Variants in ADARB2 observed in about 807,000 individuals in gnomAD.
ADARB2 encodes the protein inactive double-stranded RNA-specific editase B2.
In ADARB2, 25 loss-of-function variants were observed where a neutral mutation model predicts 62.2. The observed-to-expected ratio is 0.40, with a 90% CI of 0.29 to 0.56. The LOEUF (loss-of-function observed/expected upper bound fraction) is 0.56, where lower values mean the gene tolerates loss of function less well. Among genes scored for constraint, ADARB2 ranks in the 20% least tolerant of loss-of-function variants. The pLI is 0.43. For synonymous variants in ADARB2, 572 were observed against 500.8 expected, an observed-to-expected ratio of 1.14 and a Z score of -1.90; for missense variants, 1,071 against 1,077.4, an observed-to-expected ratio of 0.99 and a Z score of 0.08.
chr10:1,257,789 G>A (rs11250362), intron 4 of ADARB2, among the ~76,000 whole-genome samples: 3,277 of 152,308 alleles, frequency 0.022, 113 homozygotes, highest in African/African-American at 0.071. Flanking sequence ...GGTTCCTCCA[G>A]TGTTTCCGCA....
chr10:1,722,045 A>G lies in ADARB2; in HGVS notation c.100+15006T>C, dbSNP rs78376890. ...GTCCTACCTGTGAGTGTTTATGTAA[A>G]ACGACTTTATAAGTAAGATTGGGAA... On this transcript the variant is annotated intron_variant, in intron 1 of 9. Transcript: ENST00000381312. Among the ~76,000 whole-genome samples, 1,821 of 152,264 alleles carry G rather than the reference A, an allele frequency of 0.012. 93 individuals are homozygous for G. The East Asian group carries it at 0.15, about 13-fold the overall frequency.
At chr10:1,733,413 A>G (rs1205285589) in intron 1 of ADARB2, among the ~76,000 whole-genome samples, 1 of 38,894 alleles carries the variant, frequency 2.6e-5, no homozygotes, top group Non-Finnish European at 7.5e-5. Flanking sequence ...CTTCTTTTAG[A>G]AAAAAAAATA....
chr10:1,209,412 G>GCCCGTGC (rs1564221199), intron 7 of ADARB2, among the ~76,000 whole-genome samples: 6 of 40,814 alleles, frequency 1.5e-4, no homozygotes, highest in African/African-American at 3.5e-4. Context: ...ATCACCTACA[G>GCCCGTGC]CAACACCGTC....
chr10:1,363,927 A>G lies in ADARB2; in HGVS notation c.188-10T>C. ...TCCGCGCTGCTGGTACCTGGAGGGG[A>G]GAACAGACCAGTCAGGAGCCTGGGC... On this transcript the variant is annotated splice_polypyrimidine_tract_variant and intron_variant, in intron 2 of 9. Transcript: ENST00000381312. The G allele has an allele frequency of 2.1e-6, 3 of 1,449,524 alleles. No homozygotes were observed. In the South Asian group the frequency reaches 4.4e-5, roughly 21 times the overall value. The allele number at this position is 1,449,524 out of a possible 1,614,324, so 89.8% of individuals were successfully genotyped here. A position where few individuals can be genotyped will look rare whatever the true frequency, so the allele number is the denominator to read the frequency against.
chr10:1,622,218 C>A (rs1833712146), intron 1 of ADARB2, among the ~76,000 whole-genome samples: 1 of 152,124 alleles, frequency 6.6e-6, no homozygotes, highest in South Asian at 2.1e-4. Context: ...GACCTAAAGA[C>A]CCTAGCTAAA....
intron 8 of ADARB2, among the ~76,000 whole-genome samples, chr10:1,185,631 G>A (rs962176151): frequency 1.7e-4 from 26 of 152,244 alleles, no homozygotes; most frequent in African/African-American, 6.3e-4. Context: ...GGGGCCTTTT[G>A]TTCGAAAGTT....
intron 3 of ADARB2, among the ~76,000 whole-genome samples, chr10:1,277,963 CTCTCTCTT>C (rs1160305041): frequency 2.5e-5 from 2 of 79,384 alleles, no homozygotes; most frequent in Admixed American, 2.6e-4. Flanking sequence ...CCCTCTTTCT[CTCTCTCTT>C]TCTTTTTTTC....
intron 1 of ADARB2, among the ~76,000 whole-genome samples, chr10:1,650,400 A>G (rs1219065007): frequency 1.3e-5 from 2 of 152,162 alleles, no homozygotes; most frequent in Non-Finnish European, 1.5e-5. Context: ...ACCTTTGACA[A>G]GCTAAGTACT....
intron 3 of ADARB2, among the ~76,000 whole-genome samples, chr10:1,306,753 A>G (rs1831633628): frequency 6.9e-6 from 1 of 145,782 alleles, no homozygotes; most frequent in Non-Finnish European, 1.5e-5. Flanking sequence ...AATGGAACAG[A>G]ACAGAGCCGT....
At chr10:1,590,143 T>A (rs1389223662) in intron 1 of ADARB2, among the ~76,000 whole-genome samples, 1 of 152,196 alleles carries the variant, frequency 6.6e-6, no homozygotes, top group African/African-American at 2.4e-5. Flanking sequence ...GGTGCCCATG[T>A]GGTATCATCG....
intron 6 of ADARB2, among the ~76,000 whole-genome samples, chr10:1,230,170 C>T (rs1234099754): frequency 6.6e-6 from 1 of 152,154 alleles, no homozygotes; most frequent in Non-Finnish European, 1.5e-5. Context: ...GCTCTCTGCA[C>T]TCTGCGGCCT....
chr10:1,619,806 GA>G (rs899813671), intron 1 of ADARB2, among the ~76,000 whole-genome samples: 9 of 151,742 alleles, frequency 5.9e-5, no homozygotes, highest in East Asian at 5.8e-4. Context: ...TGCTAGATTA[GA>G]AAAAAAATCA....
intron 3 of ADARB2, among the ~76,000 whole-genome samples, chr10:1,297,976 C>A (rs1001725503): frequency 6.6e-6 from 1 of 152,228 alleles, no homozygotes; most frequent in Non-Finnish European, 1.5e-5. Context: ...AGAGAATAAA[C>A]TTCTGTCATT....
intron 1 of ADARB2, among the ~76,000 whole-genome samples, chr10:1,543,547 T>A (rs1832470988): frequency 6.6e-6 from 1 of 152,202 alleles, no homozygotes; most frequent in African/African-American, 2.4e-5. Flanking sequence ...ATTGCCGCAT[T>A]TATTCGGGCT....
chr10:1,673,367 TTGTAAG>T (rs1475252389), intron 1 of ADARB2, among the ~76,000 whole-genome samples: 1 of 151,286 alleles, frequency 6.6e-6, no homozygotes, highest in African/African-American at 2.4e-5. Context: ...TAGAGGCACT[TTGTAAG>T]TGGGCAACTT....
At chr10:1,283,184 T>C (rs1831384590) in intron 3 of ADARB2, among the ~76,000 whole-genome samples, 1 of 152,224 alleles carries the variant, frequency 6.6e-6, no homozygotes, top group Non-Finnish European at 1.5e-5. Flanking sequence ...TGTATGCTTG[T>C]CTTTCTTTCT....
At chr10:1,594,159 G>T (rs138628017) in intron 1 of ADARB2, among the ~76,000 whole-genome samples, 4 of 152,046 alleles carry the variant, frequency 2.6e-5, no homozygotes, top group Non-Finnish European at 5.9e-5. Flanking sequence ...GCATGGTGGC[G>T]GGCGCCTGTA....
chr10:1,202,539 A>G (rs1461452005), intron 7 of ADARB2, among the ~76,000 whole-genome samples: 1 of 152,170 alleles, frequency 6.6e-6, no homozygotes, highest in East Asian at 1.9e-4. Flanking sequence ...CTCTGAGACC[A>G]GAGGACAGAC....
chr10:1,228,970 C>T (rs1589158301), intron 6 of ADARB2, among the ~76,000 whole-genome samples: 1 of 152,154 alleles, frequency 6.6e-6, no homozygotes, highest in Non-Finnish European at 1.5e-5. Flanking sequence ...TCTTGGATGC[C>T]CCTCTGCCCC....
Sources: allele counts gnomAD v4.1 joint callset (sites outside exome capture counted in the v4.1 genomes callset), GRCh38; gene constraint gnomAD v4.1.1; transcripts MANE v1.5; gene names NCBI Gene and HGNC (gene_info 2026-07-23, HGNC 2026-07-21).